MATR3: variants seen among roughly 807,000 people sequenced by gnomAD.
MATR3 encodes the protein matrin-3.
MATR3 carries 4 observed loss-of-function variants against 85.5 expected under a neutral mutation model. The ratio of observed to expected loss-of-function variants is 0.05; its 90% CI spans 0.02 to 0.11. The LOEUF is 0.11. Among genes scored for constraint, MATR3 ranks in the 10% least tolerant of loss-of-function variants. The pLI is 1.00. For synonymous variants in MATR3, 336 were observed against 343.1 expected (o/e 0.98, Z 0.23); for missense variants, 685 against 1,016.1 (o/e 0.67, Z 4.43).
At chr5:139,275,166 T>G (rs1753225441) in intron 1 of MATR3, among the ~76,000 whole-genome samples, 1 of 131,226 alleles carries the variant, frequency 7.6e-6, no homozygotes, top group African/African-American at 2.8e-5. Context: ...TTTTTTTTTT[T>G]TTTTGTATTT....
At chr5:139,294,469 C>T (rs1754034163) in intron 1 of MATR3, 1 of 155,718 alleles carries the variant, frequency 6.4e-6, no homozygotes, top group African/African-American at 2.4e-5. Context: ...GACTCCCGGC[C>T]CACACGCGCG....
rs1561942649 is a variant in MATR3 at position 139,322,673 on chromosome 5, TGA to T, written c.1858_1859del (p.Ser620PhefsTer5). On this transcript the variant is annotated frameshift_variant, in exon 12 of 15. Transcript: ENST00000394805. LOFTEE classifies it high-confidence loss of function. ...KSKTDGSQKT[E>X]SSTEGKEQEE... ...CCAAAACTGATGGTTCCCAGAAGACTGAGAGTTCAACCGAAGGTAAAGAACAA... is the reference window on the plus strand; with the variant it reads ...CCAAAACTGATGGTTCCCAGAAGACTGAGTTCAACCGAAGGTAAAGAACAA... 1 of 1,614,178 alleles carries T rather than the reference TGA, an allele frequency of 6.2e-7. No individual in the cohort carries two copies.
rs1756018950 is a variant in MATR3 at position 139,329,416 on chromosome 5, G to A, written c.*21G>A. 1.3e-6 allele frequency: 2 copies of A among 1,595,016 alleles called. No homozygotes were observed. Among genetic ancestry groups the A allele is most frequent in the South Asian group, 2.2e-5 (2 of 90,598 alleles). ...CTTAAGATGTGCAAGGAGATTTAAT[G>A]ATTTCAAAGAAAATAATGGTTCTTT... On this transcript the variant is annotated 3_prime_UTR_variant, in exon 15 of 15. Transcript: ENST00000394805.
chr5:139,308,617 G>GT (rs1239579854), intron 2 of MATR3, among the ~76,000 whole-genome samples: 12 of 151,886 alleles, frequency 7.9e-5, no homozygotes, highest in Middle Eastern at 3.4e-3. Context: ...ATTTAAGCAG[G>GT]TTTTTTTTGT....
chr5:139,317,893 A>G (rs967822761), intron 7 of MATR3, among the ~76,000 whole-genome samples, 172 bp downstream of exon 7: 1 of 152,198 alleles, frequency 6.6e-6, no homozygotes, highest in African/African-American at 2.4e-5. Flanking sequence ...TAGGGTACTA[A>G]TGGATTATTA....
intron 2 of MATR3, chr5:139,278,444 CCT>C (rs1279842364): frequency 2.3e-6 from 1 of 441,906 alleles, no homozygotes; most frequent in Non-Finnish European, 4.6e-6. Flanking sequence ...TTGACTACCT[CCT>C]CTGTGCCAGG....
At chr5:139,287,708 C>T (rs1168481026) in intron 3 of MATR3, among the ~76,000 whole-genome samples, 1 of 152,152 alleles carries the variant, frequency 6.6e-6, no homozygotes, top group Non-Finnish European at 1.5e-5. Flanking sequence ...TTGAAAGGCC[C>T]CATTCTTTAC....
chr5:139,315,672 A>G (rs368919789), intron 3 of MATR3, 25 bp from the exon 4 acceptor site: 8 of 1,557,100 alleles, frequency 5.1e-6, no homozygotes, highest in Non-Finnish European at 7.1e-6. Flanking sequence ...TTTATTTTAA[A>G]GTTAATTTTC....
chr5:139,300,281 C>T (rs1408911361), intron 1 of MATR3, among the ~76,000 whole-genome samples: 7 of 152,168 alleles, frequency 4.6e-5, no homozygotes, highest in Non-Finnish European at 1.0e-4. Flanking sequence ...AGGAGAATCA[C>T]GGGAACCCGA....
intron 1 of MATR3, among the ~76,000 whole-genome samples, chr5:139,275,128 A>G (rs1379545666): frequency 9.9e-5 from 13 of 130,798 alleles, no homozygotes; most frequent in Non-Finnish European, 1.9e-4. Context: ...GGTGCCCGCC[A>G]CCACGCCCGG....
chr5:139,310,316 G>T (rs569340699), intron 2 of MATR3: 2 of 152,286 alleles, frequency 1.3e-5, no homozygotes, highest in African/African-American at 4.8e-5. Flanking sequence ...GTACATTTGA[G>T]AACTATTTTA....
chr5:139,317,021 T>C (rs1401241424), intron 5 of MATR3, 32 bp from the exon 6 acceptor site: 1 of 1,600,232 alleles, frequency 6.2e-7, no homozygotes, highest in East Asian at 2.2e-5. Flanking sequence ...GTATAGTGAT[T>C]ACAAGACTGA....
chr5:139,325,858 T>C (rs1245055582), intron 13 of MATR3, among the ~76,000 whole-genome samples, 196 bp downstream of exon 13: 1 of 152,230 alleles, frequency 6.6e-6, no homozygotes, highest in African/African-American at 2.4e-5. Context: ...TTGTATTATT[T>C]TCTGTTGTTA....
chr5:139,284,140 A>C (rs1249838506), intron 3 of MATR3, among the ~76,000 whole-genome samples: 1 of 152,234 alleles, frequency 6.6e-6, no homozygotes, highest in Non-Finnish European at 1.5e-5. Context: ...AAATAGAGTA[A>C]GAATATCATG....
chr5:139,316,299 G>T, intron 5 of MATR3, 111 bp downstream of exon 5: 1 of 785,244 alleles, frequency 1.3e-6, no homozygotes, highest in Non-Finnish European at 2.2e-6. Context: ...AGGCTGGAGT[G>T]CAATGGCACG....
chr5:139,304,455 G>A (rs1043661855), intron 1 of MATR3, among the ~76,000 whole-genome samples: 7 of 150,856 alleles, frequency 4.6e-5, no homozygotes, highest in African/African-American at 1.7e-4. Flanking sequence ...AGCTGAGATC[G>A]TGCCATTGCA....
At chr5:139,298,568 A>C (rs757914357) in intron 1 of MATR3, among the ~76,000 whole-genome samples, 1 of 152,236 alleles carries the variant, frequency 6.6e-6, no homozygotes, top group Non-Finnish European at 1.5e-5. Context: ...GACTGTCTCA[A>C]AAAGAAAAGA....
In MATR3 at chr5:139,311,883, T is replaced by A. The variant is rs1755002107; in HGVS notation, c.913-2792T>A. ...TTCGGGTTCAAGCAATTCTCCTGCCTCAGCATCCCAGGTAGCTGGGATTAC... is the reference window on the plus strand; with the variant it reads ...TTCGGGTTCAAGCAATTCTCCTGCCACAGCATCCCAGGTAGCTGGGATTAC... On this transcript the variant is annotated intron_variant, in intron 2 of 14. Coordinates refer to ENST00000394805, the MANE Select transcript of MATR3 (RefSeq NM_018834.6). 3 of 147,076 alleles carry A rather than the reference T, an allele frequency of 2.0e-5. No individual in the cohort carries two copies. In the South Asian group the frequency reaches 6.8e-4, roughly 33 times the overall value. 9.1% of individuals were successfully genotyped at this position (147,076 alleles called of 1,614,324 possible).
intron 3 of MATR3, among the ~76,000 whole-genome samples, chr5:139,287,933 G>A (rs761692202): frequency 9.9e-5 from 15 of 152,100 alleles, no homozygotes; most frequent in Non-Finnish European, 1.8e-4. Context: ...TTTGGTGGCC[G>A]GGCATGGTGG....
Sources: allele counts gnomAD v4.1 joint callset (sites outside exome capture counted in the v4.1 genomes callset), GRCh38; gene constraint gnomAD v4.1.1; transcripts MANE v1.5; gene names NCBI Gene and HGNC (gene_info 2026-07-23, HGNC 2026-07-21).